The following GRIN2A variants were observed in gnomAD, a reference collection of about 807,000 sequenced individuals.
The protein encoded by GRIN2A is glutamate ionotropic receptor NMDA type subunit 2A, also known as glutamate receptor ionotropic, NMDA 2A.
GRIN2A carries 22 observed loss-of-function variants against 113.4 expected under a neutral mutation model. That is an observed-to-expected ratio of 0.19 (90% CI 0.14 to 0.28). The LOEUF is 0.28. Among genes scored for constraint, GRIN2A ranks in the 10% least tolerant of loss-of-function variants. The pLI is 1.00. For synonymous variants in GRIN2A, 827 were observed against 738.4 expected (o/e 1.12, Z -1.94); for missense variants, 1,502 against 1,887.0 (o/e 0.80, Z 3.78).
chr16:10,087,662 T>C (rs1188335130), intron 2 of GRIN2A, among the ~76,000 whole-genome samples: 1 of 152,194 alleles, frequency 6.6e-6, no homozygotes, highest in African/African-American at 2.4e-5. Context: ...AGAGACTTAA[T>C]GCATATCTGG....
chr16:9,786,215 C>T (rs974607733), intron 11 of GRIN2A, among the ~76,000 whole-genome samples: 1 of 152,178 alleles, frequency 6.6e-6, no homozygotes, highest in Admixed American at 6.5e-5. Flanking sequence ...CAAGACAGGT[C>T]TTTGTGAACC....
intron 3 of GRIN2A, among the ~76,000 whole-genome samples, chr16:9,930,388 G>C (rs1327916643): frequency 6.6e-6 from 1 of 152,198 alleles, no homozygotes; most frequent in African/African-American, 2.4e-5. Flanking sequence ...AAGAGGGTTT[G>C]AACACAGCAC....
At chr16:10,148,216 T>C (rs2049485793) in intron 2 of GRIN2A, among the ~76,000 whole-genome samples, 1 of 152,176 alleles carries the variant, frequency 6.6e-6, no homozygotes, top group South Asian at 2.1e-4. Flanking sequence ...AACCCAGCCA[T>C]GCCCATTCAT....
chr16:9,770,661 G>A (rs933397163), intron 11 of GRIN2A, among the ~76,000 whole-genome samples: 14 of 152,032 alleles, frequency 9.2e-5, no homozygotes, highest in African/African-American at 3.4e-4. Context: ...TTATTGGTTC[G>A]GCTCTGGACT....
chr16:10,002,583 C>G (rs1462644562), intron 2 of GRIN2A, among the ~76,000 whole-genome samples: 1 of 152,160 alleles, frequency 6.6e-6, no homozygotes, highest in African/African-American at 2.4e-5. Context: ...AACTGAGATG[C>G]CTACAGAAAG....
At position 9,759,844 on chromosome 16, in the gene GRIN2A, G is replaced by T. The variant is rs149492540; in HGVS notation, c.*3305C>A. 304 of 229,774 alleles carry T rather than the reference G, an allele frequency of 1.3e-3. No individual in the cohort carries two copies. Among genetic ancestry groups the T allele is most frequent in the Admixed American group, 2.0e-3 (36 of 17,654 alleles). 14.2% of individuals were successfully genotyped at this position (229,774 alleles called of 1,614,324 possible). The stretch of plus-strand genomic sequence containing the variant: ...ACCATAAGTGGCCTAAGAACCTGCA[G>T]ATGTAAGGATGATGAAACCCATTTT... On this transcript the variant is annotated 3_prime_UTR_variant, in exon 13 of 13. Transcript: ENST00000330684.
At chr16:9,874,299 G>C (rs2043323410) in intron 4 of GRIN2A, among the ~76,000 whole-genome samples, 1 of 152,226 alleles carries the variant, frequency 6.6e-6, no homozygotes, top group Non-Finnish European at 1.5e-5. Flanking sequence ...AGGAATAAAG[G>C]AACAGTTTAC....
At chr16:9,888,873 C>T (rs1247497466) in intron 4 of GRIN2A, among the ~76,000 whole-genome samples, 1 of 151,904 alleles carries the variant, frequency 6.6e-6, no homozygotes, top group Non-Finnish European at 1.5e-5. Flanking sequence ...CCATATTTCC[C>T]CCTTTACTCT....
intron 2 of GRIN2A, among the ~76,000 whole-genome samples, chr16:10,118,412 T>G (rs990149618): frequency 2.6e-5 from 4 of 152,168 alleles, no homozygotes; most frequent in Non-Finnish European, 5.9e-5. Context: ...ATCAATGTAC[T>G]GCTGTGGGTA....
At chr16:9,834,310 T>C (rs1596476777) in intron 7 of GRIN2A, 80 bp from the exon 8 acceptor site, 2 of 1,369,814 alleles carry the variant, frequency 1.5e-6, no homozygotes, top group Non-Finnish European at 1.0e-6. Flanking sequence ...AGACATCCAT[T>C]TGCAGGCTCG....
intron 2 of GRIN2A, among the ~76,000 whole-genome samples, chr16:9,952,772 G>A (rs2045214045): frequency 1.3e-5 from 2 of 152,040 alleles, no homozygotes; most frequent in South Asian, 4.2e-4. Context: ...TTATATCTGT[G>A]GGATTGGATT....
At position 10,052,066 on chromosome 16, in the gene GRIN2A, T is replaced by C. The variant is rs925379801; in HGVS notation, c.415-113515A>G. Among the ~76,000 whole-genome samples, 3 of 152,310 alleles carry C rather than the reference T, an allele frequency of 2.0e-5. No individual in the cohort carries two copies. The East Asian group carries it at 5.8e-4, about 29-fold the overall frequency. On this transcript the variant is annotated intron_variant, in intron 2 of 12. Transcript: ENST00000330684. ...AATTATAATGGCCTGGAAGGAAATG[T>C]CTCTGAAAGACAAGGATAGTGGCCA...
intron 2 of GRIN2A, among the ~76,000 whole-genome samples, chr16:9,988,284 C>CGTGTATGT (rs1555461879): frequency 6.8e-6 from 1 of 146,840 alleles, no homozygotes; most frequent in South Asian, 2.2e-4. Flanking sequence ...TGTGTGTGTG[C>CGTGTATGT]GTGTGTGTGT....
At chr16:10,074,263 G>A (rs563083051) in intron 2 of GRIN2A, among the ~76,000 whole-genome samples, 2 of 152,194 alleles carry the variant, frequency 1.3e-5, no homozygotes, top group South Asian at 2.1e-4. Context: ...AAGAAACCCC[G>A]TACACTGATT....
intron 4 of GRIN2A, among the ~76,000 whole-genome samples, chr16:9,880,369 T>C (rs895099093): frequency 2.0e-5 from 3 of 151,826 alleles, no homozygotes; most frequent in East Asian, 1.9e-4. Context: ...GTGAAACTAA[T>C]TGCAGTTTTC....
intron 2 of GRIN2A, among the ~76,000 whole-genome samples, chr16:10,032,756 A>G (rs1386869583): frequency 1.3e-5 from 2 of 152,202 alleles, no homozygotes; most frequent in African/African-American, 2.4e-5. Context: ...AACACACACC[A>G]AACAACAAAT....
At chr16:9,847,627 A>G (rs1397368920) in intron 5 of GRIN2A, among the ~76,000 whole-genome samples, 3 of 149,660 alleles carry the variant, frequency 2.0e-5, no homozygotes, top group Non-Finnish European at 4.4e-5. Context: ...TGTTTTATAT[A>G]TTTTTAACAC....
At chr16:10,080,448 C>T (rs1163741645) in intron 2 of GRIN2A, among the ~76,000 whole-genome samples, 1 of 152,170 alleles carries the variant, frequency 6.6e-6, no homozygotes, top group Non-Finnish European at 1.5e-5. Flanking sequence ...CATCTGCACC[C>T]CGTTACCTAA....
chr16:9,795,490 T>C (rs1409973360), intron 11 of GRIN2A, among the ~76,000 whole-genome samples: 2 of 152,210 alleles, frequency 1.3e-5, no homozygotes, highest in African/African-American at 4.8e-5. Flanking sequence ...TTTTATTCCT[T>C]AACTTTCTTA....
Sources: allele counts gnomAD v4.1 joint callset (sites outside exome capture counted in the v4.1 genomes callset), GRCh38; gene constraint gnomAD v4.1.1; transcripts MANE v1.5; gene names NCBI Gene and HGNC (gene_info 2026-07-23, HGNC 2026-07-21).